MGAT4C: variants seen among roughly 807,000 people sequenced by gnomAD.
MGAT4C encodes the protein alpha-1,3-mannosyl-glycoprotein 4-beta-N-acetylglucosaminyltransferase C.
Under a neutral mutation model 40.1 loss-of-function variants are expected in MGAT4C, and 19 were observed. That is an observed-to-expected ratio of 0.47 (90% CI 0.33 to 0.70). MGAT4C has a LOEUF of 0.70. Among genes scored for constraint, MGAT4C ranks in the 30% least tolerant of loss-of-function variants. The probability of loss-of-function intolerance (pLI) is 0.02; values close to 1 mark genes in which losing one functional copy is unlikely to be tolerated. For synonymous variants in MGAT4C, 181 were observed against 187.1 expected (o/e 0.97, Z 0.27); for missense variants, 491 against 563.2 (o/e 0.87, Z 1.30).
chr12:86,704,518 A>C (rs540524547), intron 2 of MGAT4C, among the ~76,000 whole-genome samples: 1 of 152,272 alleles, frequency 6.6e-6, no homozygotes, highest in East Asian at 1.9e-4. Context: ...GGTTAACTTT[A>C]TGTGCTCATC....
chr12:86,279,319 G>A (rs1304294955), intron 4 of MGAT4C, among the ~76,000 whole-genome samples: 2 of 152,036 alleles, frequency 1.3e-5, no homozygotes, highest in Non-Finnish European at 2.9e-5. Context: ...TTTTTATCAT[G>A]GCATTGATCT....
intron 2 of MGAT4C, among the ~76,000 whole-genome samples, chr12:86,667,030 A>G (rs938646686): frequency 6.6e-6 from 1 of 152,232 alleles, no homozygotes; most frequent in African/African-American, 2.4e-5. Context: ...ACCATGTGAC[A>G]TGCATAAATT....
At chr12:86,254,618 A>T (rs1047970928) in intron 1 of MGAT4C, among the ~76,000 whole-genome samples, 2 of 152,064 alleles carry the variant, frequency 1.3e-5, no homozygotes, top group African/African-American at 4.8e-5. Flanking sequence ...GAAAGAAAAA[A>T]AATTCATTTC....
In MGAT4C at chr12:86,782,050, T is replaced by C. The variant is rs558120091; in HGVS notation, c.-261-54809A>G. Among the ~76,000 whole-genome samples the C allele has an allele frequency of 1.4e-3, 215 of 152,132 alleles. 1 individual carries two copies. The highest frequency in any genetic ancestry group is 4.9e-3 in the African/African-American group (205 of 41,546). ...TTCTGTTGCCCAGGCTGGAGTGCAG[T>C]GGCGTGATCTCGGCTTACTGCAAGC... is the stretch of plus-strand genomic sequence containing the variant. On this transcript the variant is annotated intron_variant, in intron 1 of 7. Transcript: ENST00000548651.
intron 3 of MGAT4C, among the ~76,000 whole-genome samples, chr12:86,382,066 G>A (rs1955942807): frequency 6.6e-6 from 1 of 152,180 alleles, no homozygotes; most frequent in African/African-American, 2.4e-5. Flanking sequence ...CTTTGGAACT[G>A]GGTAATAGGC....
chr12:86,686,420 CAA>C (rs1256481893), intron 2 of MGAT4C, among the ~76,000 whole-genome samples: 1 of 152,108 alleles, frequency 6.6e-6, no homozygotes, highest in Non-Finnish European at 1.5e-5. Context: ...TGCCAGTTTT[CAA>C]AGTGACTCCT....
chr12:86,687,230 CT>C (rs1455149607), intron 2 of MGAT4C, among the ~76,000 whole-genome samples: 2 of 151,828 alleles, frequency 1.3e-5, no homozygotes, highest in African/African-American at 4.8e-5. Context: ...TCTTTCTTTT[CT>C]TCTTTATTTG....
At chr12:86,441,939 G>A (rs141767059) in intron 2 of MGAT4C, among the ~76,000 whole-genome samples, 3,376 of 152,224 alleles carry the variant, frequency 0.022, 67 homozygotes, top group African/African-American at 0.044. Context: ...CACAATGGTT[G>A]AACTACTTCA....
intron 3 of MGAT4C, 81 bp downstream of exon 3, chr12:85,989,318 TG>T: frequency 7.6e-7 from 1 of 1,312,376 alleles, no homozygotes; most frequent in East Asian, 2.5e-5. Context: ...AGCTTGAGAT[TG>T]AAGTTAGGCT....
intron 1 of MGAT4C, among the ~76,000 whole-genome samples, chr12:86,156,030 A>G (rs554880261): frequency 1.3e-5 from 2 of 152,322 alleles, no homozygotes; most frequent in Admixed American, 1.3e-4. Flanking sequence ...TCCAACCTGG[A>G]AATCTTAAAA....
chr12:86,463,727 A>G (rs899904739), intron 2 of MGAT4C, among the ~76,000 whole-genome samples: 1 of 152,176 alleles, frequency 6.6e-6, no homozygotes, highest in Non-Finnish European at 1.5e-5. Context: ...AACAAACACA[A>G]TAATTAGTAC....
At chr12:86,646,889 G>A (rs567225024) in intron 2 of MGAT4C, among the ~76,000 whole-genome samples, 1 of 152,026 alleles carries the variant, frequency 6.6e-6, no homozygotes, top group South Asian at 2.1e-4. Flanking sequence ...ATGTATTGTG[G>A]AATGATCAAG....
chr12:86,387,173 T>A (rs1956067268), intron 3 of MGAT4C, among the ~76,000 whole-genome samples: 1 of 152,142 alleles, frequency 6.6e-6, no homozygotes, highest in Non-Finnish European at 1.5e-5. Context: ...TTCCTTTATG[T>A]CTTCATGAAT....
intron 2 of MGAT4C, among the ~76,000 whole-genome samples, chr12:86,659,253 A>C (rs552354668): frequency 6.6e-6 from 1 of 152,070 alleles, no homozygotes; most frequent in East Asian, 1.9e-4. Flanking sequence ...TTCATTTGTG[A>C]ATCCCCAGTG....
intron 1 of MGAT4C, among the ~76,000 whole-genome samples, chr12:86,784,178 G>A (rs1301889508): frequency 6.6e-6 from 1 of 152,072 alleles, no homozygotes; most frequent in African/African-American, 2.4e-5. Context: ...TAATTAGGAA[G>A]GGGAATTTGT....
At position 85,986,060 on chromosome 12, in the gene MGAT4C, A is replaced by G. The variant is rs1215092894; in HGVS notation, c.148-2390T>C. Among the ~76,000 whole-genome samples the G allele has an allele frequency of 2.6e-5, 4 of 152,362 alleles. No individual in the cohort carries two copies. The East Asian group carries it at 7.7e-4, about 29-fold the overall frequency. ...AGTACATTCATCCTGATTTAAGGAC[A>G]TAACAGAATATAAAAAGAAATGGAA... is the stretch of plus-strand genomic sequence containing the variant. On this transcript the variant is annotated intron_variant, in intron 3 of 4. Transcript: ENST00000611864.
intron 2 of MGAT4C, among the ~76,000 whole-genome samples, chr12:86,477,775 G>A (rs543363659): frequency 6.6e-6 from 1 of 152,010 alleles, no homozygotes; most frequent in East Asian, 1.9e-4. Flanking sequence ...GCCCCGGTGT[G>A]TGATGTTCCC....
At chr12:86,787,571 A>T (rs1593207074) in intron 1 of MGAT4C, among the ~76,000 whole-genome samples, 1 of 152,256 alleles carries the variant, frequency 6.6e-6, no homozygotes, top group African/African-American at 2.4e-5. Context: ...CCACAATGAG[A>T]TACCATCTCA....
intron 4 of MGAT4C, among the ~76,000 whole-genome samples, chr12:86,330,272 G>A (rs948904140): frequency 1.1e-4 from 16 of 152,104 alleles, no homozygotes; most frequent in Non-Finnish European, 1.8e-4. Flanking sequence ...CCATTAGTAC[G>A]TATCATTTTT....
Sources: allele counts gnomAD v4.1 joint callset (sites outside exome capture counted in the v4.1 genomes callset), GRCh38; gene constraint gnomAD v4.1.1; transcripts MANE v1.5; gene names NCBI Gene and HGNC (gene_info 2026-07-23, HGNC 2026-07-21).